Variants in PUM2 observed in about 807,000 individuals in gnomAD.
PUM2 encodes pumilio homolog 2.
A neutral mutation model predicts 124.5 loss-of-function variants in PUM2; 57 were observed. The ratio of observed to expected loss-of-function variants is 0.46; its 90% confidence interval spans 0.37 to 0.57. The LOEUF is 0.57. Ranked by LOEUF, PUM2 falls within the 20% of genes least tolerant of loss-of-function variation. The probability of loss-of-function intolerance (pLI) is 0.00; values close to 1 mark genes in which losing one functional copy is unlikely to be tolerated. For missense variants in PUM2, 1,065 were observed against 1,290.6 expected, an observed-to-expected ratio of 0.83 and a Z score of 2.68; for synonymous variants, 460 against 446.1, an observed-to-expected ratio of 1.03 and a Z score of -0.39.
chr2:20,257,671 A>G (rs547282542), intron 16 of PUM2, among the ~76,000 whole-genome samples: 49 of 152,192 alleles, frequency 3.2e-4, no homozygotes, highest in Non-Finnish European at 4.9e-4. Context: ...AATGATTTTA[A>G]GCATTATTTT....
intron 3 of PUM2, among the ~76,000 whole-genome samples, chr2:20,314,642 T>A (rs1469484083): frequency 6.6e-6 from 1 of 152,226 alleles, no homozygotes; most frequent in East Asian, 1.9e-4. Flanking sequence ...TTAACTGTAA[T>A]AATTTTGAAA....
chr2:20,268,810 T>C (rs554253096), intron 13 of PUM2, among the ~76,000 whole-genome samples: 1 of 152,320 alleles, frequency 6.6e-6, no homozygotes, highest in South Asian at 2.1e-4. Context: ...TCCCTCAGAA[T>C]TTAAAATTTT....
chr2:20,294,478 C>G lies in PUM2; in HGVS notation c.1050G>C (p.Trp350Cys). The G allele has an allele frequency of 6.2e-7, 1 of 1,614,110 alleles. No homozygotes were observed. The highest frequency in any genetic ancestry group is 8.5e-7 in the Non-Finnish European group (1 of 1,180,032). ...GAAATAAGTTGGCTGGATACACCCC[C>G]CATGGAACGCCGTAATACTGAGGTG... ...VVPPQYYGVP[W>C]GVYPANLFQQ... The change falls in exon 9 of 21, where the codon TGG (tryptophan) becomes TGC (cysteine). Residue 350 changes from tryptophan to cysteine, a missense_variant. By Grantham distance (215) the Trp-to-Cys change is radical. This residue lies in a region of PUM2 where 968 missense variants were observed against 1,159.8 expected (regional missense o/e 0.83). Transcript: ENST00000361078.
intron 9 of PUM2, among the ~76,000 whole-genome samples, chr2:20,291,416 T>C (rs1298424076): frequency 1.1e-4 from 16 of 152,196 alleles, no homozygotes; most frequent in Admixed American, 1.0e-3. Context: ...CCACATATCC[T>C]CCTCGCTCGG....
At chr2:20,299,551 C>T (rs1007561831) in intron 7 of PUM2, among the ~76,000 whole-genome samples, 1 of 151,924 alleles carries the variant, frequency 6.6e-6, no homozygotes, top group African/African-American at 2.4e-5. Flanking sequence ...GCCTGTAATC[C>T]CAGCTACTCG....
intron 1 of PUM2, among the ~76,000 whole-genome samples, chr2:20,342,219 C>A (rs758585846): frequency 3.3e-5 from 5 of 151,708 alleles, no homozygotes; most frequent in Non-Finnish European, 7.4e-5. Flanking sequence ...TCTGAGACAA[C>A]TGGAGAAAAA....
rs138335020 is a variant in PUM2 at position 20,334,910 on chromosome 2, G to A, written c.-18-7532C>T. 7.2e-5 allele frequency among the ~76,000 whole-genome samples: 11 copies of A among 152,242 alleles called. No homozygotes were observed. In the East Asian group the frequency reaches 2.1e-3, roughly 29 times the overall value. ...TAAGTCAATACACAGAGTGACTTAA[G>A]CTTCTTAGGACATATTCTCCGTAAT... is the stretch of plus-strand genomic sequence containing the variant. On this transcript the variant is annotated intron_variant, in intron 1 of 20. Coordinates refer to ENST00000361078, the MANE Select transcript of PUM2 (RefSeq NM_015317.5).
chr2:20,297,108 G>A (rs973681676), intron 8 of PUM2, among the ~76,000 whole-genome samples: 5 of 152,080 alleles, frequency 3.3e-5, no homozygotes, highest in Non-Finnish European at 7.4e-5. Flanking sequence ...GTACATTTTA[G>A]CATTGCTCAA....
Position 20,254,904 on chromosome 2 carries a change from G to C in PUM2, c.2829C>G (p.Ile943Met). 2 of 1,613,990 alleles carry C rather than the reference G, an allele frequency of 1.2e-6. No homozygotes were observed. Among genetic ancestry groups the C allele is most frequent in the African/African-American group, 2.7e-5 (2 of 75,050 alleles). ...GACTCAGGGCTAAAACCTTTCCCCT[G>C]ATTTCGGAAACAATTTTGCTCTTGT... ...PEDKSKIVSE[I>M]RGKVLALSQH... Residue 943 changes from isoleucine (I) to methionine (M), a missense_variant, in exon 19 of 21, where the codon ATC (isoleucine) becomes ATG (methionine). Coordinates refer to ENST00000361078, the MANE Select transcript of PUM2 (RefSeq NM_015317.5).
At chr2:20,341,376 A>C (rs920155516) in intron 1 of PUM2, among the ~76,000 whole-genome samples, 4 of 152,244 alleles carry the variant, frequency 2.6e-5, no homozygotes, top group African/African-American at 9.6e-5. Flanking sequence ...GAGCCAGTAC[A>C]AAAATTACAA....
At chr2:20,263,950 C>T (rs1666914646) in intron 13 of PUM2, among the ~76,000 whole-genome samples, 1 of 152,044 alleles carries the variant, frequency 6.6e-6, no homozygotes, top group South Asian at 2.1e-4. Context: ...TTCTTACCAT[C>T]ATACCACTGA....
chr2:20,321,791 A>G (rs1682437243), intron 2 of PUM2, among the ~76,000 whole-genome samples: 1 of 152,210 alleles, frequency 6.6e-6, no homozygotes, highest in African/African-American at 2.4e-5. Flanking sequence ...ATGTTATCCA[A>G]TACCACTTCA....
chr2:20,274,188 T>C (rs947370285), intron 13 of PUM2, among the ~76,000 whole-genome samples: 1 of 152,086 alleles, frequency 6.6e-6, no homozygotes, highest in Non-Finnish European at 1.5e-5. Context: ...TAGGATGAAA[T>C]GAAATATGAA....
chr2:20,284,388 C>T (rs561549290), intron 10 of PUM2, among the ~76,000 whole-genome samples: 38 of 152,282 alleles, frequency 2.5e-4, no homozygotes, highest in Non-Finnish European at 4.4e-4. Flanking sequence ...TGCTGTCTTG[C>T]TCTGTTGTCT....
intron 2 of PUM2, among the ~76,000 whole-genome samples, chr2:20,319,347 AACTTGGAT>A (rs1422478213): frequency 6.6e-6 from 1 of 152,236 alleles, no homozygotes; most frequent in African/African-American, 2.4e-5. Flanking sequence ...GGAGGTGGCC[AACTTGGAT>A]ATGTTTGTTT....
At chr2:20,321,384 T>C (rs1009050080) in intron 2 of PUM2, among the ~76,000 whole-genome samples, 1 of 152,200 alleles carries the variant, frequency 6.6e-6, no homozygotes. Flanking sequence ...GTGTGTCTAC[T>C]ATGGCCAAGC....
At chr2:20,266,786 T>C (rs1667762956) in intron 13 of PUM2, among the ~76,000 whole-genome samples, 1 of 152,158 alleles carries the variant, frequency 6.6e-6, no homozygotes, top group Non-Finnish European at 1.5e-5. Flanking sequence ...AGAGCAGTGA[T>C]GAAAGTAATC....
At chr2:20,340,425 GAT>G (rs1687003723) in intron 1 of PUM2, among the ~76,000 whole-genome samples, 1 of 152,206 alleles carries the variant, frequency 6.6e-6, no homozygotes, top group South Asian at 2.1e-4. Flanking sequence ...CCTGATAACT[GAT>G]TCCCAGAAGA....
chr2:20,326,130 G>A (rs1683618484), intron 2 of PUM2: 1 of 772,992 alleles, frequency 1.3e-6, no homozygotes. Context: ...TTGCACTGCA[G>A]TGAAGCTACA....
Sources: allele counts gnomAD v4.1 joint callset (sites outside exome capture counted in the v4.1 genomes callset), GRCh38; gene constraint gnomAD v4.1.1; regional missense constraint gnomAD v4.1.1; transcripts MANE v1.5; gene names NCBI Gene and HGNC (gene_info 2026-07-23, HGNC 2026-07-21).